The following GPR161 variants were observed in gnomAD, a reference collection of about 807,000 sequenced individuals.
GPR161 encodes G protein-coupled receptor 161, also known as G-protein coupled receptor RE2.
In GPR161, 25 loss-of-function variants were observed where a neutral mutation model predicts 39.2. That is an observed-to-expected ratio of 0.64 (90% CI 0.47 to 0.89). GPR161 has a LOEUF of 0.89. Ranked by LOEUF, GPR161 falls within the 40% of genes least tolerant of loss-of-function variation. GPR161 has a pLI of 0.00. For missense variants in GPR161, 547 were observed against 677.8 expected, an observed-to-expected ratio of 0.81 and a Z score of 2.14; for synonymous variants, 286 against 276.6, an observed-to-expected ratio of 1.03 and a Z score of -0.34.
intron 3 of GPR161, among the ~76,000 whole-genome samples, chr1:168,091,643 C>T (rs1695078408): frequency 6.6e-6 from 1 of 151,728 alleles, no homozygotes; most frequent in African/African-American, 2.4e-5. Context: ...AAGGTACTAG[C>T]GTGAAAGACA....
intron 1 of GPR161, among the ~76,000 whole-genome samples, chr1:168,110,593 A>AAAAG (rs144639460): frequency 0.11 from 8,237 of 77,628 alleles, 691 homozygotes; most frequent in Admixed American, 0.16. Flanking sequence ...AAAAGAAAAG[A>AAAAG]AAAGAGACAA....
At chr1:168,086,262 G>C (rs951368660) in intron 5 of GPR161, among the ~76,000 whole-genome samples, 8 of 152,144 alleles carry the variant, frequency 5.3e-5, no homozygotes, top group African/African-American at 1.9e-4. Flanking sequence ...TATTTGCTCA[G>C]AGATTCCCCA....
At chr1:168,086,939 C>T (rs2102094532) in intron 5 of GPR161, among the ~76,000 whole-genome samples, 1 of 152,310 alleles carries the variant, frequency 6.6e-6, no homozygotes. Flanking sequence ...AGCCTCCTTA[C>T]ATCGGACAGC....
At chr1:168,130,687 C>G (rs1466308174) in intron 1 of GPR161, among the ~76,000 whole-genome samples, 1 of 152,206 alleles carries the variant, frequency 6.6e-6, no homozygotes, top group African/African-American at 2.4e-5. Flanking sequence ...ACTCCAAAAT[C>G]TCCATGTATA....
intron 2 of GPR161, among the ~76,000 whole-genome samples, chr1:168,099,292 C>G (rs892104850): frequency 6.6e-6 from 1 of 152,180 alleles, no homozygotes; most frequent in Non-Finnish European, 1.5e-5. Flanking sequence ...TAGGGGACTG[C>G]AGGGAGGGGA....
In GPR161 at chr1:168,104,641, A is replaced by G. The variant is rs1558111209; in HGVS notation, c.210T>C (p.Thr70=). Residue 70 remains threonine, a synonymous_variant, in exon 2 of 6, where the codon ACT becomes ACC. Transcript: ENST00000682931. The part of the protein sequence containing the change: ...TLSNKFVFSL[T]LSNFLLSVLV... Reference sequence around the variant, plus strand: ...ACACGGACAGCAGGAAGTTGGACAGAGTCAGGCTGAAGACGAACTTGTTGC... The same window carrying G: ...ACACGGACAGCAGGAAGTTGGACAGGGTCAGGCTGAAGACGAACTTGTTGC... The G allele has an allele frequency of 1.9e-6, 3 of 1,614,126 alleles. No homozygotes were observed. Among genetic ancestry groups the G allele is most frequent in the Non-Finnish European group, 2.5e-6 (3 of 1,179,956 alleles).
chr1:168,127,081 A>G (rs1698645738), intron 1 of GPR161, among the ~76,000 whole-genome samples: 1 of 152,242 alleles, frequency 6.6e-6, no homozygotes, highest in Non-Finnish European at 1.5e-5. Context: ...CGAGGTAATG[A>G]GGGTAAAAGT....
intron 5 of GPR161, among the ~76,000 whole-genome samples, chr1:168,086,489 C>T (rs1694506214): frequency 6.6e-6 from 1 of 152,178 alleles, no homozygotes; most frequent in African/African-American, 2.4e-5. Flanking sequence ...GCAACCTGTA[C>T]CCCACTCTCC....
intron 1 of GPR161, chr1:168,134,771 C>T (rs1699242223): frequency 1.4e-6 from 1 of 722,106 alleles, no homozygotes; most frequent in South Asian, 1.6e-5. Context: ...CCCACCGCAC[C>T]TGCAGCTGCC....
intron 1 of GPR161, among the ~76,000 whole-genome samples, chr1:168,107,208 G>GT (rs201907879): frequency 0.011 from 1,598 of 151,656 alleles, 14 homozygotes; most frequent in Middle Eastern, 0.02. Flanking sequence ...TAAAGAACTA[G>GT]TTAAAAAAAA....
intron 1 of GPR161, among the ~76,000 whole-genome samples, chr1:168,107,710 T>C (rs1696735532): frequency 2.0e-5 from 3 of 152,202 alleles, no homozygotes; most frequent in Non-Finnish European, 4.4e-5. Context: ...CAGAAAGATA[T>C]GCCCATGGTA....
chr1:168,136,263 C>T, intron 1 of GPR161: 2 of 1,415,924 alleles, frequency 1.4e-6, no homozygotes, highest in Admixed American at 2.6e-5. Flanking sequence ...TCACCTGGTC[C>T]TCACGGATTC....
chr1:168,119,255 T>C lies in GPR161; in HGVS notation c.-44-14361A>G, dbSNP rs1215876739. ...ATATATATATATACACATATATATA[T>C]ACGTATATATATGTGTATATATATA... On this transcript the variant is annotated intron_variant, in intron 1 of 5. Coordinates refer to ENST00000682931, the MANE Select transcript of GPR161 (RefSeq NM_001375883.1). Among the ~76,000 whole-genome samples, 20 of 125,902 alleles carry C rather than the reference T, an allele frequency of 1.6e-4. 1 individual carries two copies. The highest frequency in any genetic ancestry group is 5.4e-4 in the African/African-American group (17 of 31,348). The allele number at this position is 125,902 out of a possible 152,430, so 82.6% of individuals were successfully genotyped here. A position where few individuals can be genotyped will look rare whatever the true frequency, so the allele number is the denominator to read the frequency against.
rs1693989775 is a variant in GPR161, at chr1:168,080,523, C to T, written c.*5008G>A. 6.6e-6 allele frequency: 1 copy of T among 152,288 alleles called. No homozygotes were observed. Among genetic ancestry groups the T allele is most frequent in the Non-Finnish European group, 1.5e-5 (1 of 68,150 alleles). 9.4% of individuals were successfully genotyped at this position (152,288 alleles called of 1,614,324 possible). The stretch of plus-strand genomic sequence containing the variant: ...TGCCTACAGTGAAGACGGTAATTTC[C>T]TCTCTCTCCCACAGGCTCCATCTGG... On this transcript the variant is annotated 3_prime_UTR_variant, in exon 6 of 6. Coordinates refer to ENST00000682931, the MANE Select transcript of GPR161 (RefSeq NM_001375883.1).
rs1250933491 is a variant in GPR161 at position 168,132,403 on chromosome 1, C to T, written c.-45+4336G>A. Among the ~76,000 whole-genome samples, 6 of 151,024 alleles carry T rather than the reference C, an allele frequency of 4.0e-5. No individual in the cohort carries two copies. In the East Asian group the frequency reaches 7.9e-4, roughly 20 times the overall value. On this transcript the variant is annotated intron_variant, in intron 1 of 5. Transcript: ENST00000682931. Reference sequence around the variant, plus strand: ...GAGATTGAGACCATCCTGGCTAACACGGTGAAACCCCGTCTCTACTAAAAA... The same window carrying T: ...GAGATTGAGACCATCCTGGCTAACATGGTGAAACCCCGTCTCTACTAAAAA...
rs572116359 is a variant in GPR161, at chr1:168,083,172, A to G, written c.*2359T>C. 6.6e-6 allele frequency: 1 copy of G among 152,352 alleles called. No individual in the cohort carries two copies. Among genetic ancestry groups the G allele is most frequent in the African/African-American group, 2.4e-5 (1 of 41,570 alleles). The allele number at this position is 152,352 out of a possible 1,614,324, so 9.4% of individuals were successfully genotyped here. ...CACACTTTAGTGGTATTGCCTACAG[A>G]GCCTAGCCTGGTGCTTCGCATACAC... is the stretch of plus-strand genomic sequence containing the variant. On this transcript the variant is annotated 3_prime_UTR_variant, in exon 6 of 6. Transcript: ENST00000682931.
chr1:168,103,947 A>G (rs1696349248), intron 2 of GPR161, among the ~76,000 whole-genome samples: 1 of 152,230 alleles, frequency 6.6e-6, no homozygotes, highest in African/African-American at 2.4e-5. Flanking sequence ...AGCTACGTTG[A>G]GGGCGGGAGC....
At chr1:168,091,710 A>C (rs370435187) in intron 3 of GPR161, among the ~76,000 whole-genome samples, 2 of 152,238 alleles carry the variant, frequency 1.3e-5, no homozygotes, top group East Asian at 1.9e-4. Flanking sequence ...CAGGGAGCTT[A>C]AGAGAGCAAA....
chr1:168,085,222 C>A lies in GPR161; in HGVS notation c.*309G>T, dbSNP rs1299288647. 8.7e-6 allele frequency: 4 copies of A among 459,550 alleles called. No homozygotes were observed. The highest frequency in any genetic ancestry group is 1.6e-5 in the Non-Finnish European group (4 of 248,330). 28.5% of individuals were successfully genotyped at this position (459,550 alleles called of 1,614,324 possible). ...CCCTTCGTCTCTGGTCCTCCCATGC[C>A]CCACCTCCCAAAAAGCCACAGCCAC... On this transcript the variant is annotated 3_prime_UTR_variant, in exon 6 of 6. Coordinates refer to ENST00000682931, the MANE Select transcript of GPR161 (RefSeq NM_001375883.1).
Sources: allele counts gnomAD v4.1 joint callset (sites outside exome capture counted in the v4.1 genomes callset), GRCh38; gene constraint gnomAD v4.1.1; transcripts MANE v1.5; gene names NCBI Gene and HGNC (gene_info 2026-07-23, HGNC 2026-07-21).